Variants in REEP3 observed in about 807,000 individuals in gnomAD.
REEP3 encodes the protein receptor accessory protein 3, also known as receptor expression-enhancing protein 3.
In REEP3, 20 loss-of-function variants were observed where a neutral mutation model predicts 41.3. The observed-to-expected ratio is 0.48, with a 90% confidence interval of 0.34 to 0.70. The LOEUF (loss-of-function observed/expected upper bound fraction) is 0.70. REEP3 is among the 30% of genes least tolerant of loss of function. REEP3 has a pLI of 0.01. For synonymous variants in REEP3, 104 were observed against 101.8 expected, an observed-to-expected ratio of 1.02 and a Z score of -0.13; for missense variants, 271 against 308.8, an observed-to-expected ratio of 0.88 and a Z score of 0.92.
chr10:63,565,230 G>A (rs565360299), intron 1 of REEP3, among the ~76,000 whole-genome samples: 3 of 152,250 alleles, frequency 2.0e-5, no homozygotes, highest in African/African-American at 7.2e-5. Flanking sequence ...ACTACACTCT[G>A]GCCTTGGTGG....
chr10:63,619,579 T>C (rs1956337386), intron 6 of REEP3, 76 bp from the exon 7 acceptor site: 9 of 1,333,412 alleles, frequency 6.7e-6, no homozygotes, highest in Admixed American at 6.1e-5. Flanking sequence ...CAAAGAACTG[T>C]ACACAGATGG....
intron 2 of REEP3, among the ~76,000 whole-genome samples, chr10:63,568,137 T>A (rs1208040735): frequency 6.6e-6 from 1 of 152,182 alleles, no homozygotes; most frequent in Non-Finnish European, 1.5e-5. Flanking sequence ...GTAAATACTT[T>A]GCGTATTGTT....
intron 1 of REEP3, among the ~76,000 whole-genome samples, chr10:63,522,593 G>A (rs1955291918): frequency 6.6e-6 from 1 of 152,122 alleles, no homozygotes; most frequent in Admixed American, 6.5e-5. Context: ...ATGAAAAAAT[G>A]TTTATGTGAG....
Position 63,615,306 on chromosome 10 carries a change from C to T in REEP3, c.566-4349C>T, listed in dbSNP as rs1429560035. The stretch of plus-strand genomic sequence containing the variant: ...TTTGAAAAAATAAGGTATTCATTTT[C>T]GGGTTTTAAGTTAAACAGAAAATGT... On this transcript the variant is annotated intron_variant, in intron 6 of 7. Transcript: ENST00000373758. Among the ~76,000 whole-genome samples, 8 of 151,830 alleles carry T rather than the reference C, an allele frequency of 5.3e-5. No homozygotes were observed. The East Asian group carries it at 7.7e-4, about 15-fold the overall frequency.
In REEP3 at chr10:63,624,287, C is replaced by T. The variant is rs546265632; in HGVS notation, c.*3418C>T. ...AAATATCACTTAAGATTAAATTTTT[C>T]AGAAAGAAAATTATAGCTTTTTTCC... On this transcript the variant is annotated 3_prime_UTR_variant, in exon 8 of 8. Transcript: ENST00000373758. 3 of 152,092 alleles carry T rather than the reference C, an allele frequency of 2.0e-5. No individual in the cohort carries two copies. Among genetic ancestry groups the T allele is most frequent in the Non-Finnish European group, 2.9e-5 (2 of 67,912 alleles). The allele number at this position is 152,092 out of a possible 1,614,324, so 9.4% of individuals were successfully genotyped here. A position where few individuals can be genotyped will look rare whatever the true frequency, so the allele number is the denominator to read the frequency against.
intron 6 of REEP3, among the ~76,000 whole-genome samples, chr10:63,617,117 TA>T (rs1956318002): frequency 2.0e-5 from 3 of 152,242 alleles, no homozygotes; most frequent in Middle Eastern, 3.4e-3. Context: ...AAGCCCTAGC[TA>T]CTCTCCTCAC....
intron 1 of REEP3, among the ~76,000 whole-genome samples, chr10:63,529,373 G>C (rs1242348298): frequency 1.3e-5 from 2 of 152,196 alleles, no homozygotes; most frequent in African/African-American, 4.8e-5. Flanking sequence ...GATAGATAGG[G>C]AAGTAGGATT....
intron 2 of REEP3, among the ~76,000 whole-genome samples, chr10:63,582,076 G>T (rs1463348708): frequency 3.9e-5 from 6 of 152,174 alleles, no homozygotes; most frequent in Non-Finnish European, 2.9e-5. Flanking sequence ...AACATGCACA[G>T]CACAGCCTCT....
chr10:63,561,217 A>T (rs1955736512), intron 1 of REEP3, among the ~76,000 whole-genome samples: 1 of 152,228 alleles, frequency 6.6e-6, no homozygotes, highest in Non-Finnish European at 1.5e-5. Context: ...GAAGCCAGTT[A>T]CATACATTTA....
At chr10:63,608,538 TCTGGTAA>T (rs1956249582) in intron 5 of REEP3, among the ~76,000 whole-genome samples, 1 of 152,200 alleles carries the variant, frequency 6.6e-6, no homozygotes, top group African/African-American at 2.4e-5. Context: ...GATTAGTTTC[TCTGGTAA>T]CACTGTAACT....
intron 5 of REEP3, 57 bp downstream of exon 5, chr10:63,599,340 G>T: frequency 1.4e-6 from 1 of 726,666 alleles, no homozygotes; most frequent in Non-Finnish European, 2.1e-6. Flanking sequence ...AAATAAAGGT[G>T]GCTTCTTATT....
At chr10:63,601,104 A>G (rs1013964186) in intron 5 of REEP3, among the ~76,000 whole-genome samples, 47 of 152,056 alleles carry the variant, frequency 3.1e-4, no homozygotes, top group African/African-American at 1.1e-3. Context: ...CACTGAGCCA[A>G]GATCACACCA....
intron 6 of REEP3, among the ~76,000 whole-genome samples, chr10:63,619,381 C>G (rs1956335465): frequency 6.6e-6 from 1 of 151,878 alleles, no homozygotes; most frequent in African/African-American, 2.4e-5. Flanking sequence ...GTGTTACCTA[C>G]TCAAAAATAA....
chr10:63,557,188 A>G (rs921022371), intron 1 of REEP3, among the ~76,000 whole-genome samples: 2 of 152,206 alleles, frequency 1.3e-5, no homozygotes, highest in Admixed American at 6.5e-5. Context: ...ACTGCCTACA[A>G]TAGCCTAGTT....
chr10:63,597,296 A>G (rs769767019), intron 3 of REEP3, among the ~76,000 whole-genome samples: 3 of 152,174 alleles, frequency 2.0e-5, no homozygotes, highest in Non-Finnish European at 4.4e-5. Context: ...ACGTGTGTGT[A>G]TGGGGTAGAC....
intron 6 of REEP3, among the ~76,000 whole-genome samples, chr10:63,617,540 C>T (rs1336843918): frequency 6.6e-6 from 1 of 152,116 alleles, no homozygotes; most frequent in African/African-American, 2.4e-5. Flanking sequence ...GCTGGGACTA[C>T]AGGTGCACAA....
intron 1 of REEP3, among the ~76,000 whole-genome samples, chr10:63,550,615 G>A (rs909116007): frequency 3.3e-5 from 5 of 152,172 alleles, no homozygotes; most frequent in Admixed American, 3.3e-4. Flanking sequence ...GGCACTTCTG[G>A]TAAGGTAGCA....
At chr10:63,615,487 T>A (rs1956305032) in intron 6 of REEP3, among the ~76,000 whole-genome samples, 2 of 151,896 alleles carry the variant, frequency 1.3e-5, no homozygotes, top group Admixed American at 6.6e-5. Flanking sequence ...ATATTTGACT[T>A]GATTCTAGTG....
intron 2 of REEP3, among the ~76,000 whole-genome samples, chr10:63,581,966 A>G (rs561040731): frequency 6.6e-6 from 1 of 152,148 alleles, no homozygotes. Flanking sequence ...TTTACACTGA[A>G]CAGATTATCT....
Sources: allele counts gnomAD v4.1 joint callset (sites outside exome capture counted in the v4.1 genomes callset), GRCh38; gene constraint gnomAD v4.1.1; transcripts MANE v1.5; gene names NCBI Gene and HGNC (gene_info 2026-07-23, HGNC 2026-07-21).